The following CDH2 variants were observed in gnomAD, a reference collection of about 807,000 sequenced individuals.
The protein encoded by CDH2 is cadherin-2.
Under a neutral mutation model 92.0 loss-of-function variants are expected in CDH2, and 17 were observed. That is an observed-to-expected ratio of 0.18 (90% CI 0.13 to 0.28). The LOEUF is 0.28. Ranked by LOEUF, CDH2 falls within the 10% of genes least tolerant of loss-of-function variation. CDH2 has a pLI of 1.00. For synonymous variants in CDH2, 419 were observed against 415.9 expected, an observed-to-expected ratio of 1.01 and a Z score of -0.09; for missense variants, 862 against 1,133.1, an observed-to-expected ratio of 0.76 and a Z score of 3.44.
At chr18:27,949,950 C>G (rs1468793747), downstream of CDH2, among the ~76,000 whole-genome samples, 2 of 151,770 alleles carry the variant, frequency 1.3e-5, no homozygotes, top group African/African-American at 4.8e-5. Flanking sequence ...CAGTGTTTAT[C>G]TAAATGGTGT....
At chr18:28,010,690 G>A (rs1441980734) in intron 4 of CDH2, among the ~76,000 whole-genome samples, 1 of 151,436 alleles carries the variant, frequency 6.6e-6, no homozygotes, top group Non-Finnish European at 1.5e-5. Context: ...TGCGGGGGGG[G>A]AAGGAGTCTC....
chr18:28,154,832 T>C (rs1391862411), intron 1 of CDH2, among the ~76,000 whole-genome samples: 1 of 152,178 alleles, frequency 6.6e-6, no homozygotes, highest in Non-Finnish European at 1.5e-5. Flanking sequence ...CATTTATGAT[T>C]ATTGGCTAAA....
intron 1 of CDH2, among the ~76,000 whole-genome samples, chr18:28,160,784 A>G (rs183075300): frequency 2.6e-5 from 4 of 152,304 alleles, no homozygotes; most frequent in African/African-American, 9.6e-5. Context: ...AGGTTTGAAC[A>G]GGCTGGCTGC....
intron 2 of CDH2, among the ~76,000 whole-genome samples, chr18:28,035,246 C>T (rs978168435): frequency 6.6e-6 from 1 of 152,030 alleles, no homozygotes; most frequent in African/African-American, 2.4e-5. Context: ...CACAGACATT[C>T]CACTCCAAGT....
chr18:28,052,040 T>C (rs1316152325), intron 2 of CDH2, among the ~76,000 whole-genome samples: 1 of 151,942 alleles, frequency 6.6e-6, no homozygotes. Flanking sequence ...CAGACACTTT[T>C]GTAAAACAAC....
intron 2 of CDH2, among the ~76,000 whole-genome samples, chr18:28,061,946 A>T (rs1435722150): frequency 6.6e-6 from 1 of 152,198 alleles, no homozygotes; most frequent in Non-Finnish European, 1.5e-5. Context: ...TATGGGAACT[A>T]CAATTCAAGA....
At chr18:28,028,529 A>C (rs1336945965) in intron 2 of CDH2, among the ~76,000 whole-genome samples, 13 of 152,282 alleles carry the variant, frequency 8.5e-5, no homozygotes, top group African/African-American at 3.1e-4. Flanking sequence ...CAATTTAAGA[A>C]GTGCTTATTC....
At chr18:28,043,488 AT>A (rs1207315821) in intron 2 of CDH2, among the ~76,000 whole-genome samples, 4 of 75,848 alleles carry the variant, frequency 5.3e-5, no homozygotes, top group South Asian at 5.6e-4. Context: ...ATATATATAT[AT>A]ATATAAATAT....
At chr18:28,087,539 T>A (rs762020079) in intron 2 of CDH2, among the ~76,000 whole-genome samples, 2 of 152,142 alleles carry the variant, frequency 1.3e-5, no homozygotes, top group African/African-American at 2.4e-5. Flanking sequence ...AAACTGGGTT[T>A]TTACTCCTGG....
intron 2 of CDH2, among the ~76,000 whole-genome samples, chr18:28,037,348 A>G (rs1462739908): frequency 6.6e-6 from 1 of 152,208 alleles, no homozygotes; most frequent in Non-Finnish European, 1.5e-5. Flanking sequence ...GAGGATTCAG[A>G]TAGGTTGCCA....
intron 2 of CDH2, among the ~76,000 whole-genome samples, chr18:28,043,890 A>ATTTTTTGTTTTTT (rs2014013871): frequency 1.1e-5 from 1 of 91,454 alleles, no homozygotes; most frequent in Non-Finnish European, 2.2e-5. Context: ...AGAATCTCGG[A>ATTTTTTGTTTTTT]TTTTTTTTTT....
At chr18:28,000,261 C>A (rs943275564) in intron 7 of CDH2, among the ~76,000 whole-genome samples, 2 of 152,076 alleles carry the variant, frequency 1.3e-5, no homozygotes, top group African/African-American at 4.8e-5. Flanking sequence ...CACCACCATG[C>A]CAGCTAATTT....
intron 2 of CDH2, among the ~76,000 whole-genome samples, chr18:28,085,217 T>C (rs1350932289): frequency 6.6e-6 from 1 of 152,082 alleles, no homozygotes; most frequent in Non-Finnish European, 1.5e-5. Flanking sequence ...AAATGGGTCA[T>C]TCCTCCCGCC....
chr18:27,977,359 T>G (rs1158336448), intron 14 of CDH2, among the ~76,000 whole-genome samples: 1 of 152,130 alleles, frequency 6.6e-6, no homozygotes, highest in African/African-American at 2.4e-5. Flanking sequence ...AGTAGTTGTT[T>G]CTTTTTTTTT....
In CDH2 at chr18:28,140,486, C is replaced by T. The variant is rs116293204; in HGVS notation, c.172+7187G>A. On this transcript the variant is annotated intron_variant, in intron 2 of 15. Transcript: ENST00000269141. ...GTGGGAGGTGATTAGGTCATGATGG[C>T]TCTGTACTTATGAATGAGATTAGTG... 2.0e-3 allele frequency among the ~76,000 whole-genome samples: 308 copies of T among 151,912 alleles called. 1 individual carries two copies. The highest frequency in any genetic ancestry group is 7.0e-3 in the African/African-American group (291 of 41,460).
chr18:28,121,988 G>C (rs1415282514), intron 2 of CDH2, among the ~76,000 whole-genome samples: 1 of 152,028 alleles, frequency 6.6e-6, no homozygotes, highest in Admixed American at 6.6e-5. Context: ...AAATGAGGGT[G>C]GTCTTCCCTT....
intron 7 of CDH2, among the ~76,000 whole-genome samples, chr18:27,998,507 C>T (rs907669257): frequency 6.6e-6 from 1 of 152,300 alleles, no homozygotes; most frequent in Admixed American, 6.5e-5. Context: ...TGAGTGCCCT[C>T]TAAGATGGTA....
In CDH2 at chr18:27,951,891, T is replaced by C. The variant is rs2075969937; in HGVS notation, c.*262A>G. On this transcript the variant is annotated 3_prime_UTR_variant, in exon 16 of 16. Transcript: ENST00000269141. ...GCCTTAAACAGAAAACTAATTCCAA[T>C]CTGAAAAAGGTACAAAAAGGCACAT... The C allele has an allele frequency of 4.5e-6, 2 of 442,362 alleles. No homozygotes were observed. Among genetic ancestry groups the C allele is most frequent in the East Asian group, 4.0e-5 (1 of 24,954 alleles). 27.4% of individuals were successfully genotyped at this position (442,362 alleles called of 1,614,324 possible).
chr18:27,989,845 G>T (rs937068500), intron 10 of CDH2, among the ~76,000 whole-genome samples: 1 of 152,038 alleles, frequency 6.6e-6, no homozygotes, highest in Non-Finnish European at 1.5e-5. Context: ...AAGTAAAAAT[G>T]GCAGATACAG....
Sources: gnomAD v4.1 joint callset for allele counts (sites outside exome capture counted in the v4.1 genomes callset) on GRCh38, gnomAD v4.1.1 for gene constraint, MANE v1.5 for transcripts, NCBI Gene and HGNC (gene_info 2026-07-23, HGNC 2026-07-21) for gene names.